Variants in ITSN1 observed in about 807,000 individuals in gnomAD.
ITSN1 encodes intersectin-1.
In ITSN1, 58 loss-of-function variants were observed where a neutral mutation model predicts 239.8. The observed-to-expected ratio is 0.24, with a 90% confidence interval of 0.20 to 0.30. The LOEUF (loss-of-function observed/expected upper bound fraction) is 0.30. Among genes scored for constraint, ITSN1 ranks in the 10% least tolerant of loss-of-function variants. The pLI is 1.00. For synonymous variants in ITSN1, 780 were observed against 770.8 expected, an observed-to-expected ratio of 1.01 and a Z score of -0.20; for missense variants, 1,558 against 2,103.3, an observed-to-expected ratio of 0.74 and a Z score of 5.07.
chr21:33,652,839 T>C (rs2088663993), intron 1 of ITSN1, among the ~76,000 whole-genome samples: 1 of 152,132 alleles, frequency 6.6e-6, no homozygotes, highest in South Asian at 2.1e-4. Flanking sequence ...GTTTTGGTCT[T>C]GCATTCAATG....
chr21:33,817,579 TG>T lies in ITSN1; in HGVS notation c.2728-687del, dbSNP rs752796792. ...TTATCTCTGTCTTCCCCATTACTTG[TG>T]AATTACCTGCTAGTAATACTGCCCA... On this transcript the variant is annotated intron_variant, in intron 22 of 39. Transcript: ENST00000381318. The T allele has an allele frequency of 2.1e-5, 27 of 1,300,692 alleles. No individual in the cohort carries two copies. In the South Asian group the frequency reaches 3.1e-4, roughly 15 times the overall value. 80.6% of individuals were successfully genotyped at this position (1,300,692 alleles called of 1,614,324 possible).
intron 31 of ITSN1, among the ~76,000 whole-genome samples, chr21:33,864,477 A>G (rs1360675477): frequency 6.6e-6 from 1 of 152,222 alleles, no homozygotes; most frequent in Non-Finnish European, 1.5e-5. Context: ...GGCAGACCCC[A>G]GAACACACAC....
At chr21:33,774,705 A>G (rs1248327279) in intron 12 of ITSN1, 24 bp from the exon 13 acceptor site, 1 of 1,601,850 alleles carries the variant, frequency 6.2e-7, no homozygotes, top group Non-Finnish European at 8.5e-7. Context: ...AAAAATTAGT[A>G]ATTTGTCTCT....
At chr21:33,786,314 C>T (rs958499389) in intron 16 of ITSN1, among the ~76,000 whole-genome samples, 1 of 152,110 alleles carries the variant, frequency 6.6e-6, no homozygotes, top group African/African-American at 2.4e-5. Flanking sequence ...AATCGGTAGT[C>T]TTCTCAGATC....
intron 5 of ITSN1, among the ~76,000 whole-genome samples, chr21:33,747,569 T>A (rs1425897001): frequency 6.6e-6 from 1 of 151,926 alleles, no homozygotes; most frequent in Non-Finnish European, 1.5e-5. Context: ...AACACAGAGA[T>A]AAAACCTTGA....
At chr21:33,679,918 T>C (rs1421531738) in intron 1 of ITSN1, among the ~76,000 whole-genome samples, 1 of 152,206 alleles carries the variant, frequency 6.6e-6, no homozygotes, top group African/African-American at 2.4e-5. Flanking sequence ...CAGGATGGTC[T>C]TGATCTCCTG....
At chr21:33,688,623 T>C (rs1364494046) in intron 1 of ITSN1, among the ~76,000 whole-genome samples, 3 of 152,130 alleles carry the variant, frequency 2.0e-5, no homozygotes, top group African/African-American at 7.2e-5. Context: ...CCAATAGATC[T>C]AGTTGTAGGC....
intron 19 of ITSN1, among the ~76,000 whole-genome samples, 189 bp downstream of exon 19, chr21:33,800,118 T>A (rs550417566): frequency 6.6e-6 from 1 of 152,282 alleles, no homozygotes; most frequent in East Asian, 1.9e-4. Flanking sequence ...TTTAAAAAAA[T>A]GTATCCTAAC....
chr21:33,762,329 C>T (rs148639331), intron 9 of ITSN1, among the ~76,000 whole-genome samples: 4 of 151,126 alleles, frequency 2.6e-5, no homozygotes, highest in African/African-American at 4.9e-5. Flanking sequence ...TGCAGTGGTA[C>T]GATCTCGGCT....
At chr21:33,783,615 C>CA (rs922910854) in intron 16 of ITSN1, among the ~76,000 whole-genome samples, 20 of 134,536 alleles carry the variant, frequency 1.5e-4, no homozygotes, top group African/African-American at 5.2e-4. Context: ...CAATTAGAAA[C>CA]AAAAAAACAA....
chr21:33,890,449 T>C lies in ITSN1; in HGVS notation c.*2149T>C, dbSNP rs1012445023. 2 of 152,234 alleles carry C rather than the reference T, an allele frequency of 1.3e-5. No individual in the cohort carries two copies. The highest frequency in any genetic ancestry group is 4.8e-5 in the African/African-American group (2 of 41,462). 9.4% of individuals were successfully genotyped at this position (152,234 alleles called of 1,614,324 possible). A position where few individuals can be genotyped will look rare whatever the true frequency, so the allele number is the denominator to read the frequency against. The stretch of plus-strand genomic sequence containing the variant: ...GTCACCCACTCATAGTGTCCTATTA[T>C]TGGAATTAATGTAGCATGAGAAAGC... On this transcript the variant is annotated 3_prime_UTR_variant, in exon 40 of 40. Coordinates refer to ENST00000381318, the MANE Select transcript of ITSN1 (RefSeq NM_003024.3).
intron 34 of ITSN1, among the ~76,000 whole-genome samples, chr21:33,879,225 C>T (rs2148546958): frequency 6.6e-6 from 1 of 152,302 alleles, no homozygotes; most frequent in Middle Eastern, 3.4e-3. Flanking sequence ...GTGGCATGCA[C>T]CTGTAGTCTC....
Position 33,777,792 on chromosome 21 carries a change from A to G in ITSN1, c.1596+2684A>G, listed in dbSNP as rs546332689. ...ACCTTATATCTGTGATTGCTTAACT[A>G]ACTTCCTTTGTGTGTCTTACTTTGT... On this transcript the variant is annotated intron_variant, in intron 14 of 39. Coordinates refer to ENST00000381318, the MANE Select transcript of ITSN1 (RefSeq NM_003024.3). Among the ~76,000 whole-genome samples the G allele has an allele frequency of 3.9e-5, 6 of 152,336 alleles. No individual in the cohort carries two copies. The East Asian group carries it at 7.7e-4, about 20-fold the overall frequency.
intron 34 of ITSN1, among the ~76,000 whole-genome samples, chr21:33,876,102 CTTCTTTCT>C (rs750725563): frequency 0.024 from 2,620 of 110,018 alleles, 52 homozygotes; most frequent in Admixed American, 0.044. Flanking sequence ...TCTTTCTTTC[CTTCTTTCT>C]TTCTTTCTTT....
intron 8 of ITSN1, among the ~76,000 whole-genome samples, chr21:33,760,470 T>C (rs917520130): frequency 1.3e-5 from 2 of 152,212 alleles, no homozygotes; most frequent in African/African-American, 2.4e-5. Flanking sequence ...GGATTTTATA[T>C]GTAAATAAAA....
At chr21:33,807,700 C>G (rs2072565244) in intron 20 of ITSN1, among the ~76,000 whole-genome samples, 1 of 152,176 alleles carries the variant, frequency 6.6e-6, no homozygotes, top group Non-Finnish European at 1.5e-5. Flanking sequence ...TTAAGCAAAG[C>G]AGCTGACCTT....
chr21:33,792,902 C>T (rs909367220), intron 16 of ITSN1, among the ~76,000 whole-genome samples: 1 of 152,062 alleles, frequency 6.6e-6, no homozygotes. Flanking sequence ...CCCCTTCCTT[C>T]CTTTCCTTTT....
At chr21:33,807,512 A>AT (rs1023694594) in intron 20 of ITSN1, among the ~76,000 whole-genome samples, 2 of 152,026 alleles carry the variant, frequency 1.3e-5, no homozygotes, top group African/African-American at 4.8e-5. Context: ...TAATTTTTGT[A>AT]TTTTTTGTAG....
chr21:33,852,768 C>T (rs552440172), intron 29 of ITSN1, among the ~76,000 whole-genome samples: 2 of 152,272 alleles, frequency 1.3e-5, no homozygotes, highest in South Asian at 2.1e-4. Flanking sequence ...ATCCTTCTGT[C>T]ACACCAAGAT....
Sources: allele counts gnomAD v4.1 joint callset (sites outside exome capture counted in the v4.1 genomes callset), GRCh38; gene constraint gnomAD v4.1.1; transcripts MANE v1.5; gene names NCBI Gene and HGNC (gene_info 2026-07-23, HGNC 2026-07-21).